The following SLC66A1 variants were observed in gnomAD, a reference collection of about 807,000 sequenced individuals.
SLC66A1 encodes the protein solute carrier family 66 member 1.
In SLC66A1, 23 loss-of-function variants were observed where a neutral mutation model predicts 33.0. The observed-to-expected ratio is 0.70, with a 90% CI of 0.50 to 0.99. The LOEUF is 0.99. SLC66A1 is among the 50% of genes least tolerant of loss of function. The probability of loss-of-function intolerance (pLI) is 0.00; values close to 1 mark genes in which losing one functional copy is unlikely to be tolerated. For missense variants in SLC66A1, 335 were observed against 383.6 expected (o/e 0.87, Z 1.06); for synonymous variants, 164 against 175.5 (o/e 0.93, Z 0.52).
rs2093865145 is a variant in SLC66A1 at position 19,326,193 on chromosome 1, A to G, written c.383-52A>G. Reference sequence around the variant, plus strand: ...CCAGGACTTAGCACCCTCCCCCGACAACCGCTGCCACTCAGCCATCTAACC... The same window carrying G: ...CCAGGACTTAGCACCCTCCCCCGACGACCGCTGCCACTCAGCCATCTAACC... On this transcript the variant is annotated intron_variant, in intron 4 of 7. Transcript: ENST00000375153. 1.9e-6 allele frequency: 3 copies of G among 1,554,048 alleles called. No individual in the cohort carries two copies. The South Asian group carries it at 3.5e-5, about 18-fold the overall frequency.
In SLC66A1 at chr1:19,329,037, A is replaced by G. The variant is rs1428559657; in HGVS notation, c.*394A>G. 4.5e-6 allele frequency: 1 copy of G among 219,906 alleles called. No homozygotes were observed. The highest frequency in any genetic ancestry group is 2.3e-5 in the African/African-American group (1 of 43,056). The allele number at this position is 219,906 out of a possible 1,614,324, so 13.6% of individuals were successfully genotyped here. A position where few individuals can be genotyped will look rare whatever the true frequency, so the allele number is the denominator to read the frequency against. On this transcript the variant is annotated 3_prime_UTR_variant, in exon 8 of 8. Coordinates refer to ENST00000375153, the MANE Select transcript of SLC66A1 (RefSeq NM_001040125.2). ...TTTGGGAGGCCGAAGCGGGTGGACC[A>G]CTTGACGTCCGTAGTTCGAGACCAG...
rs755058607 is a variant in SLC66A1 at position 19,324,770 on chromosome 1, G to A, written c.294+8G>A. ...GACCAGCTGCCCCTGCAGGTGGGCCGGTACCCGGGCAAGGTGGCGCTACCC... is the reference window on the plus strand; with the variant it reads ...GACCAGCTGCCCCTGCAGGTGGGCCAGTACCCGGGCAAGGTGGCGCTACCC... On this transcript the variant is annotated splice_region_variant and intron_variant, in intron 3 of 7. Coordinates refer to ENST00000375153, the MANE Select transcript of SLC66A1 (RefSeq NM_001040125.2). 15 of 1,613,780 alleles carry A rather than the reference G, an allele frequency of 9.3e-6. No homozygotes were observed. Among genetic ancestry groups the A allele is most frequent in the South Asian group, 3.3e-5 (3 of 91,070 alleles).
Position 19,326,293 on chromosome 1 carries a change from G to A in SLC66A1, c.431G>A (p.Cys144Tyr), listed in dbSNP as rs1306723569. 6.8e-6 allele frequency: 11 copies of A among 1,606,818 alleles called. No individual in the cohort carries two copies. Among genetic ancestry groups the A allele is most frequent in the Non-Finnish European group, 9.3e-6 (11 of 1,179,904 alleles). ...SVLLFLMGMACATPLLSAAGP... is the reference protein window; with the variant it reads ...SVLLFLMGMAYATPLLSAAGP... ...CTGTTGTTCCTCATGGGGATGGCGT[G>A]CGCCACACCGCTGCTGAGTGCTGCT... Residue 144 changes from cysteine to tyrosine, a missense_variant, in exon 5 of 8, where the codon TGC (cysteine) becomes TAC (tyrosine). Physicochemically the swap from Cys to Tyr is radical, Grantham distance 194. Coordinates refer to ENST00000375153, the MANE Select transcript of SLC66A1 (RefSeq NM_001040125.2).
chr1:19,326,577 C>T lies in SLC66A1; in HGVS notation c.572C>T (p.Ser191Phe). 6.2e-7 allele frequency: 1 copy of T among 1,614,236 alleles called. No homozygotes were observed. Residue 191 changes from serine (S) to phenylalanine (F), a missense_variant, in exon 6 of 8, where the codon TCC (serine) becomes TTC (phenylalanine). By Grantham distance (155) the Ser-to-Phe change is radical (BLOSUM62 -2). Transcript: ENST00000375153. ...ATTGGCTTCGTCATCGGCTCCATCT[C>T]CAGCGTGTTGTACCTGCTTTCCCGG... ...EVIGFVIGSI[S>F]SVLYLLSRLP... is the part of the protein sequence containing the mutation.
At chr1:19,326,459 A>G (rs999809188) in intron 5 of SLC66A1, 72 bp downstream of exon 5, 8 of 1,612,402 alleles carry the variant, frequency 5.0e-6, no homozygotes, top group South Asian at 1.1e-5. Flanking sequence ...GCACAGCCTC[A>G]TGGGTGCTAA....
intron 2 of SLC66A1, among the ~76,000 whole-genome samples, chr1:19,319,605 G>GTTTTTTTTTTGTTTTTTTTTTTTTGT (rs56769657): frequency 8.9e-6 from 1 of 111,870 alleles, no homozygotes; most frequent in African/African-American, 4.0e-5. Context: ...GCACATTCAT[G>GTTTTTTTTTTGTTTTTTTTTTTTTGT]TTTTTTTTTT....
chr1:19,328,580 C>T lies in SLC66A1; in HGVS notation c.813C>T (p.Ile271=), dbSNP rs377232962. 10 of 1,613,272 alleles carry T rather than the reference C, an allele frequency of 6.2e-6. No homozygotes were observed. In the African/African-American group the frequency reaches 1.3e-4, roughly 22 times the overall value. The change falls in exon 8 of 8, where the codon ATC becomes ATT. Residue 271 remains isoleucine (I), a synonymous_variant. Coordinates refer to ENST00000375153, the MANE Select transcript of SLC66A1 (RefSeq NM_001040125.2). The surrounding 1 kb of genome is among the most constrained non-coding windows in gnomAD (Gnocchi z 4.7). ...GVLLLDTIIS[I]QFLVYRRSTA... The stretch of plus-strand genomic sequence containing the variant: ...AACGGCGGCACCCCCAGATCTCCAT[C>T]CAGTTCCTGGTGTACAGGCGCAGCA...
chr1:19,333,157 C>G (rs911319564), downstream of SLC66A1, among the ~76,000 whole-genome samples: 6 of 152,222 alleles, frequency 3.9e-5, no homozygotes, highest in Admixed American at 1.3e-4. This position sits in a 1 kb window ranked among gnomAD's most constrained non-coding sequence, Gnocchi z 4.2. Context: ...GCACTGGACC[C>G]CGCGCCCTCC....
chr1:19,325,214 A>G (rs1031008757), intron 3 of SLC66A1, among the ~76,000 whole-genome samples: 4 of 152,180 alleles, frequency 2.6e-5, no homozygotes. Flanking sequence ...CAGAGCCATC[A>G]CTTCACCGCG....
At position 19,327,256 on chromosome 1, in the gene SLC66A1, C is replaced by T. The variant is rs761765302; in HGVS notation, c.648C>T (p.Ser216=). ...NFLRKSTQGI[S]YSLFALVMLG... Reference sequence around the variant, plus strand: ...TCCGGAAGTCCACCCAGGGGATCTCCTACTCTCTGTTCGCGCTGGTGATGC... The same window carrying T: ...TCCGGAAGTCCACCCAGGGGATCTCTTACTCTCTGTTCGCGCTGGTGATGC... Residue 216 remains serine (S), a synonymous_variant, in exon 7 of 8, where the codon TCC becomes TCT. Transcript: ENST00000375153. 2 of 1,613,956 alleles carry T rather than the reference C, an allele frequency of 1.2e-6. No individual in the cohort carries two copies. Among genetic ancestry groups the T allele is most frequent in the Non-Finnish European group, 1.7e-6 (2 of 1,179,912 alleles).
chr1:19,318,269 G>A (rs779383419), intron 2 of SLC66A1, among the ~76,000 whole-genome samples: 5 of 152,190 alleles, frequency 3.3e-5, no homozygotes, highest in Non-Finnish European at 5.9e-5. Context: ...GCTGGGATGC[G>A]TCAAACACAA....
chr1:19,319,434 C>A (rs980856243), intron 2 of SLC66A1, among the ~76,000 whole-genome samples: 3 of 152,162 alleles, frequency 2.0e-5, no homozygotes, highest in African/African-American at 7.2e-5. Flanking sequence ...ATAATGTCTT[C>A]AAGATTCATC....
At chr1:19,331,034 CAG>C (rs1558157493), downstream of SLC66A1, among the ~76,000 whole-genome samples, 2 of 152,058 alleles carry the variant, frequency 1.3e-5, no homozygotes, top group Non-Finnish European at 2.9e-5. Context: ...TTTTTTGACA[CAG>C]AGTCTTGCTC....
Position 19,327,627 on chromosome 1 carries a change from C to T in SLC66A1, c.804+215C>T, listed in dbSNP as rs1487506277. On this transcript the variant is annotated intron_variant, in intron 7 of 7. Coordinates refer to ENST00000375153, the MANE Select transcript of SLC66A1 (RefSeq NM_001040125.2). ...GCTGGACCCTGGAGCCGTGAGTGAG[C>T]AAGAACAGCCATGAGTGCCCCAGAA... 5.5e-6 allele frequency: 4 copies of T among 721,078 alleles called. No homozygotes were observed. In the African/African-American group the frequency reaches 7.1e-5, roughly 13 times the overall value. 44.7% of individuals were successfully genotyped at this position (721,078 alleles called of 1,614,324 possible).
intron 4 of SLC66A1, 131 bp from the exon 5 acceptor site, chr1:19,326,114 G>A (rs2093864612): frequency 1.3e-6 from 1 of 780,584 alleles, no homozygotes; most frequent in Non-Finnish European, 2.1e-6. Context: ...AAGAATGAAA[G>A]CTCAGAGAGG....
downstream of SLC66A1, among the ~76,000 whole-genome samples, chr1:19,329,612 C>T (rs2093887026): frequency 6.6e-6 from 1 of 152,236 alleles, no homozygotes; most frequent in Admixed American, 6.5e-5. Context: ...ATCGCAGTTC[C>T]TCAGTGCCTA....
chr1:19,327,529 ATCCCTCCC>A (rs534714495), intron 7 of SLC66A1, 117 bp downstream of exon 7: 67 of 682,212 alleles, frequency 9.8e-5, no homozygotes, highest in African/African-American at 4.2e-4. Context: ...CCATCCATCC[ATCCCTCCC>A]TCCCTCCCTC....
intron 6 of SLC66A1, among the ~76,000 whole-genome samples, 191 bp downstream of exon 6, chr1:19,326,814 C>T (rs760766552): frequency 9.2e-5 from 14 of 152,204 alleles, no homozygotes; most frequent in Non-Finnish European, 1.9e-4. Context: ...ATGGGCGTGG[C>T]GTGGCCTGCC....
rs1399660226 is a variant in SLC66A1 at position 19,328,888 on chromosome 1, C to G, written c.*245C>G. 3.5e-6 allele frequency: 2 copies of G among 576,390 alleles called. No homozygotes were observed. Among genetic ancestry groups the G allele is most frequent in the Non-Finnish European group, 6.2e-6 (2 of 322,056 alleles). 35.7% of individuals were successfully genotyped at this position (576,390 alleles called of 1,614,324 possible). On this transcript the variant is annotated 3_prime_UTR_variant, in exon 8 of 8. Coordinates refer to ENST00000375153, the MANE Select transcript of SLC66A1 (RefSeq NM_001040125.2). The surrounding 1 kb of genome is among the most constrained non-coding windows in gnomAD (Gnocchi z 4.7). ...TGAGGCTGCCCCTCCTACCACCTACCTCATTCTGCCTACTCACCCCAGGGG... is the reference window on the plus strand; with the variant it reads ...TGAGGCTGCCCCTCCTACCACCTACGTCATTCTGCCTACTCACCCCAGGGG...
Sources: gnomAD v4.1 joint callset for allele counts (sites outside exome capture counted in the v4.1 genomes callset) on GRCh38, gnomAD v4.1.1 for gene constraint, Gnocchi (gnomAD v3.1) non-coding constraint, MANE v1.5 for transcripts, NCBI Gene and HGNC (gene_info 2026-07-23, HGNC 2026-07-21) for gene names.